The following C5 variants were observed in gnomAD, a reference collection of about 807,000 sequenced individuals.
The protein encoded by C5 is complement C5.
C5 carries 140 observed loss-of-function variants against 218.8 expected under a neutral mutation model. That is an observed-to-expected ratio of 0.64 (90% confidence interval 0.56 to 0.74). The LOEUF is 0.74. Ranked by LOEUF, C5 falls within the 30% of genes least tolerant of loss-of-function variation. C5 has a pLI of 0.00. For synonymous variants in C5, 614 were observed against 682.3 expected, an observed-to-expected ratio of 0.90 and a Z score of 1.56; for missense variants, 1,700 against 1,969.6, an observed-to-expected ratio of 0.86 and a Z score of 2.59.
rs981461630 is a variant in C5 at position 120,997,849 on chromosome 9, C to T, written c.2563-75G>A. On this transcript the variant is annotated intron_variant, in intron 20 of 40. Coordinates refer to ENST00000223642, the MANE Select transcript of C5 (RefSeq NM_001735.3). ...ACAGAGTCTTGCTATGTCGCCCAGG[C>T]TGGAGTGCAGCGGCATGATCTCAGC... 15 of 1,277,460 alleles carry T rather than the reference C, an allele frequency of 1.2e-5. No homozygotes were observed. The South Asian group carries it at 1.7e-4, about 15-fold the overall frequency. The allele number at this position is 1,277,460 out of a possible 1,614,324, so 79.1% of individuals were successfully genotyped here.
intron 1 of C5, among the ~76,000 whole-genome samples, chr9:121,047,003 A>T (rs2047633488): frequency 6.6e-6 from 1 of 152,188 alleles, no homozygotes; most frequent in African/African-American, 2.4e-5. Flanking sequence ...ATAGAATATG[A>T]GTGAGCTGGG....
chr9:121,021,702 T>G lies in C5; in HGVS notation c.1117-8A>C. The G allele has an allele frequency of 6.2e-7, 1 of 1,610,138 alleles. No homozygotes were observed. Among genetic ancestry groups the G allele is most frequent in the Non-Finnish European group, 8.5e-7 (1 of 1,176,334 alleles). The stretch of plus-strand genomic sequence containing the variant: ...CGAATCTTTAACCTGCACCTGTTTG[T>G]CAAAACAATCCAAATCTATTTCAAC... On this transcript the variant is annotated splice_polypyrimidine_tract_variant and splice_region_variant and intron_variant, in intron 10 of 40. Transcript: ENST00000223642.
At chr9:121,024,881 T>C (rs1460657388) in intron 9 of C5, among the ~76,000 whole-genome samples, 2 of 152,214 alleles carry the variant, frequency 1.3e-5, no homozygotes, top group African/African-American at 4.8e-5. Flanking sequence ...AGCCTGTCTG[T>C]TTGGCAATAC....
chr9:121,050,166 A>C lies in C5; in HGVS notation c.65+16T>G. ...CTAAGATGCATTGAAAAATGAAGAT[A>C]GCTTGTTTTACTTACGTTTGCTCCT... On this transcript the variant is annotated intron_variant, in intron 1 of 40. Transcript: ENST00000223642. 1 of 1,592,008 alleles carries C rather than the reference A, an allele frequency of 6.3e-7. No homozygotes were observed. Among genetic ancestry groups the C allele is most frequent in the Middle Eastern group, 1.7e-4 (1 of 6,020 alleles).
chr9:120,972,107 T>A, intron 30 of C5, 115 bp from the exon 31 acceptor site: 1 of 786,372 alleles, frequency 1.3e-6, no homozygotes, highest in Non-Finnish European at 2.2e-6. Flanking sequence ...AGAGCTCTTC[T>A]GAGAGTAACT....
chr9:120,975,789 T>C (rs2046948699), intron 29 of C5, among the ~76,000 whole-genome samples: 1 of 152,208 alleles, frequency 6.6e-6, no homozygotes, highest in African/African-American at 2.4e-5. Flanking sequence ...ATCCAGTGTG[T>C]CGTTTTTTCT....
At chr9:121,034,572 C>T (rs1428048489) in intron 5 of C5, among the ~76,000 whole-genome samples, 2 of 152,164 alleles carry the variant, frequency 1.3e-5, no homozygotes, top group Non-Finnish European at 2.9e-5. Context: ...AACCTGGGTA[C>T]TATTTTTTCC....
At chr9:120,979,933 G>A (rs1313386334) in intron 28 of C5, 150 bp downstream of exon 28, 2 of 684,938 alleles carry the variant, frequency 2.9e-6, no homozygotes, top group South Asian at 1.7e-5. Context: ...AATGAATAAC[G>A]GCACACATTA....
intron 22 of C5, among the ~76,000 whole-genome samples, chr9:120,995,192 G>T (rs2047107329): frequency 6.6e-6 from 1 of 152,118 alleles, no homozygotes; most frequent in Non-Finnish European, 1.5e-5. Context: ...AGTGTAAAGG[G>T]TATTAATTCT....
chr9:120,961,652 C>T (rs151268991), intron 36 of C5, 87 bp from the exon 37 acceptor site: 33 of 843,084 alleles, frequency 3.9e-5, no homozygotes, highest in Non-Finnish European at 6.8e-5. Flanking sequence ...CATGGAGCCT[C>T]AGAGATTGCT....
At chr9:120,980,321 C>G in intron 27 of C5, 67 bp from the exon 28 acceptor site, 2 of 1,353,576 alleles carry the variant, frequency 1.5e-6, no homozygotes, top group Non-Finnish European at 2.1e-6. Flanking sequence ...TATGAACTAC[C>G]CTCAGATCCC....
chr9:120,997,988 A>G, intron 20 of C5, among the ~76,000 whole-genome samples: 1 of 152,048 alleles, frequency 6.6e-6, no homozygotes, highest in Non-Finnish European at 1.5e-5. Context: ...TTTTTAGTAG[A>G]GGCACGGTTT....
chr9:121,007,083 GA>G, intron 18 of C5, 106 bp from the exon 19 acceptor site: 1 of 795,076 alleles, frequency 1.3e-6, no homozygotes. Flanking sequence ...TTTAGAGAAA[GA>G]AAAAAATTCA....
rs913628894 is a variant in C5 at position 121,018,774 on chromosome 9, G to A, written c.1507-922C>T. On this transcript the variant is annotated intron_variant, in intron 12 of 40. Coordinates refer to ENST00000223642, the MANE Select transcript of C5 (RefSeq NM_001735.3). ...GGAAGGAAGGAAGGAAGGAAGGAAG[G>A]AAGGAAGGAAGGAAGGAAGGAAGGA... is the stretch of plus-strand genomic sequence containing the variant. 1.1e-4 allele frequency among the ~76,000 whole-genome samples: 16 copies of A among 150,844 alleles called. 1 individual carries two copies. The highest frequency in any genetic ancestry group is 2.7e-4 in the African/African-American group (11 of 41,040).
Position 120,981,924 on chromosome 9 carries a change from C to T in C5, c.3406G>A (p.Glu1136Lys), listed in dbSNP as rs776547091. ...PIKLQGTLPV[E>K]ARENSLYLTA... ...AGATATAAGCTGTTCTCTCGGGCTTCAACAGGCAAGGTACCCTAAAAAGAA... is the reference window on the plus strand; with the variant it reads ...AGATATAAGCTGTTCTCTCGGGCTTTAACAGGCAAGGTACCCTAAAAAGAA... Residue 1136 changes from glutamate (E) to lysine (K), a missense_variant, in exon 27 of 41, where the codon GAA becomes AAA. Glu to Lys is a moderately conservative substitution (Grantham distance 56). Transcript: ENST00000223642. The T allele has an allele frequency of 1.9e-6, 3 of 1,613,644 alleles. No individual in the cohort carries two copies. The highest frequency in any genetic ancestry group is 1.7e-6 in the Non-Finnish European group (2 of 1,179,628).
chr9:120,964,682 G>A (rs971053978), intron 33 of C5, among the ~76,000 whole-genome samples: 2 of 152,182 alleles, frequency 1.3e-5, no homozygotes, highest in African/African-American at 4.8e-5. Flanking sequence ...GGCACAATGG[G>A]AGGGTTTTGT....
At chr9:120,964,205 C>T (rs1373282382) in intron 33 of C5, among the ~76,000 whole-genome samples, 1 of 152,332 alleles carries the variant, frequency 6.6e-6, no homozygotes, top group Admixed American at 6.5e-5. Flanking sequence ...AGGCAAGGCA[C>T]GGTGGCTTAC....
intron 38 of C5, among the ~76,000 whole-genome samples, chr9:120,958,154 G>C (rs2046799956): frequency 6.6e-6 from 1 of 152,188 alleles, no homozygotes; most frequent in Non-Finnish European, 1.5e-5. Context: ...GAGGTAGCTA[G>C]GTGAACTCAT....
At chr9:121,022,817 AAG>A (rs1410673798) in intron 10 of C5, among the ~76,000 whole-genome samples, 1 of 151,996 alleles carries the variant, frequency 6.6e-6, no homozygotes, top group African/African-American at 2.4e-5. Context: ...AAGAAGGTGA[AAG>A]AGAGAAAAAT....
Sources: gnomAD v4.1 joint callset for allele counts (sites outside exome capture counted in the v4.1 genomes callset) on GRCh38, gnomAD v4.1.1 for gene constraint, MANE v1.5 for transcripts, NCBI Gene and HGNC (gene_info 2026-07-23, HGNC 2026-07-21) for gene names.